Variants in C10orf143 observed in about 807,000 individuals in gnomAD.
C10orf143 encodes uncharacterized protein C10orf143.
At chr10:130,054,964 A>C (rs1255541272) in intron 3 of C10orf143, among the ~76,000 whole-genome samples, 1 of 152,222 alleles carries the variant, frequency 6.6e-6, no homozygotes, top group Non-Finnish European at 1.5e-5. Context: ...GGGGAAATAC[A>C]GTCTCCAACA....
At chr10:130,083,749 A>G (rs1463597315) in intron 1 of C10orf143, among the ~76,000 whole-genome samples, 1 of 152,196 alleles carries the variant, frequency 6.6e-6, no homozygotes, top group African/African-American at 2.4e-5. Flanking sequence ...ATATTTGAGA[A>G]ATGAAAGAGA....
At chr10:130,080,538 C>CA (rs1379227732) in intron 1 of C10orf143, among the ~76,000 whole-genome samples, 3 of 152,186 alleles carry the variant, frequency 2.0e-5, no homozygotes, top group African/African-American at 7.2e-5. Context: ...TTGTAACTGA[C>CA]ACAGAGTTTC....
intron 3 of C10orf143, among the ~76,000 whole-genome samples, chr10:130,055,344 C>A (rs1004152060): frequency 6.6e-6 from 1 of 152,114 alleles, no homozygotes; most frequent in African/African-American, 2.4e-5. Context: ...AAAATATTTG[C>A]AAACCACATA....
In C10orf143 at chr10:130,064,061, T is replaced by C; in HGVS notation, c.*293A>G. 3.4e-6 allele frequency: 1 copy of C among 293,324 alleles called. No homozygotes were observed. 18.2% of individuals were successfully genotyped at this position (293,324 alleles called of 1,614,324 possible). A position where few individuals can be genotyped will look rare whatever the true frequency, so the allele number is the denominator to read the frequency against. ...GTTTGATACAAAATTTTTTGACTTGTAAATAATGCAATTGATCTCCCTCTC... is the reference window on the plus strand; with the variant it reads ...GTTTGATACAAAATTTTTTGACTTGCAAATAATGCAATTGATCTCCCTCTC... On this transcript the variant is annotated 3_prime_UTR_variant, in exon 4 of 4. Coordinates refer to ENST00000637128, the MANE Select transcript of C10orf143 (RefSeq NM_001355042.2).
intron 3 of C10orf143, chr10:130,066,591 C>A (rs1299440126): frequency 6.6e-6 from 1 of 152,306 alleles, no homozygotes; most frequent in Non-Finnish European, 1.5e-5. Flanking sequence ...TCTACTCTCT[C>A]TTAGACACAA....
At position 130,066,354 on chromosome 10, in the gene C10orf143, AT is replaced by A. The variant is rs1245464072; in HGVS notation, c.298-1972del. The A allele has an allele frequency of 5.2e-3, 688 of 132,902 alleles. 4 individuals are homozygous for A. The highest frequency in any genetic ancestry group is 8.5e-3 in the African/African-American group (306 of 36,094). 8.2% of individuals were successfully genotyped at this position (132,902 alleles called of 1,614,324 possible). ...AGGTGCTTGCCGCCACACCTGGCTAATTTTTTTTTTTTTTTTTTTGGTAGAG... is the reference window on the plus strand; with the variant it reads ...AGGTGCTTGCCGCCACACCTGGCTAATTTTTTTTTTTTTTTTTTGGTAGAG... On this transcript the variant is annotated intron_variant, in intron 3 of 3. Transcript: ENST00000637128.
chr10:130,061,060 C>T (rs1365444425), downstream of C10orf143, among the ~76,000 whole-genome samples: 3 of 152,098 alleles, frequency 2.0e-5, no homozygotes, highest in South Asian at 2.1e-4. Flanking sequence ...CATCTGGGCC[C>T]GAGGAAGTCA....
In C10orf143 at chr10:130,079,827, C is replaced by T. The variant is rs1186084; in HGVS notation, c.144G>A (p.Ala48=). The part of the protein sequence containing the change: ...GCHQVNACAL[A]SWGPEDRELP... ...GCTCCCGGTCCTCTGGGCCCCAGGA[C>T]GCCAGGGCACAGGCATTCACCTGGT... The change falls in exon 2 of 4, where the codon GCG becomes GCA. Residue 48 remains alanine, a synonymous_variant. Transcript: ENST00000637128. 250,417 of 398,444 alleles carry T rather than the reference C, an allele frequency of 0.63. 79,696 individuals carry two copies. The highest frequency in any genetic ancestry group is 0.71 in the Admixed American group (16,162 of 22,732). The allele number at this position is 398,444 out of a possible 1,614,324, so 24.7% of individuals were successfully genotyped here. A position where few individuals can be genotyped will look rare whatever the true frequency, so the allele number is the denominator to read the frequency against.
chr10:130,058,893 T>G (rs1860824602), intron 3 of C10orf143, among the ~76,000 whole-genome samples: 1 of 152,084 alleles, frequency 6.6e-6, no homozygotes, highest in South Asian at 2.1e-4. Flanking sequence ...TGGGCACACA[T>G]TTATTCGCTC....
chr10:130,080,633 C>A (rs1220899515), intron 1 of C10orf143, among the ~76,000 whole-genome samples: 1 of 152,214 alleles, frequency 6.6e-6, no homozygotes, highest in Non-Finnish European at 1.5e-5. Context: ...TGGCAGCCAG[C>A]CCAAGAGGCC....
At chr10:130,037,169 C>T (rs779607825) in intron 3 of C10orf143, among the ~76,000 whole-genome samples, 5 of 152,160 alleles carry the variant, frequency 3.3e-5, no homozygotes, top group African/African-American at 9.7e-5. Context: ...GGGGACAGGG[C>T]GATGCCCTCT....
At chr10:130,084,907 C>A (rs1322191453) in intron 1 of C10orf143, among the ~76,000 whole-genome samples, 1 of 152,072 alleles carries the variant, frequency 6.6e-6, no homozygotes, top group Non-Finnish European at 1.5e-5. Context: ...GTCAAAAAGA[C>A]AAAGGCATAC....
At chr10:130,043,218 T>G (rs1476145969) in intron 3 of C10orf143, among the ~76,000 whole-genome samples, 5 of 152,198 alleles carry the variant, frequency 3.3e-5, no homozygotes, top group African/African-American at 1.2e-4. Flanking sequence ...CTTCATAACC[T>G]AAGTGTGTTT....
chr10:130,055,158 T>A (rs1191376214), intron 3 of C10orf143, among the ~76,000 whole-genome samples: 6 of 150,880 alleles, frequency 4.0e-5, no homozygotes, highest in South Asian at 2.1e-4. Flanking sequence ...AACAAAAAAC[T>A]CCCAGAAAAA....
intron 1 of C10orf143, among the ~76,000 whole-genome samples, chr10:130,088,371 C>T (rs896328669): frequency 3.3e-5 from 5 of 151,776 alleles, no homozygotes; most frequent in South Asian, 2.1e-4. Flanking sequence ...GCAACAAGAG[C>T]GAAACTCCAT....
downstream of C10orf143, among the ~76,000 whole-genome samples, chr10:130,060,974 C>A (rs2134741364): frequency 6.6e-6 from 1 of 152,058 alleles, no homozygotes; most frequent in African/African-American, 2.4e-5. Context: ...CCCACCTCTA[C>A]AAAAAATACA....
At chr10:130,062,793 C>A (rs1398959754), downstream of C10orf143, among the ~76,000 whole-genome samples, 1 of 152,138 alleles carries the variant, frequency 6.6e-6, no homozygotes, top group Non-Finnish European at 1.5e-5. Flanking sequence ...CCTAATACAC[C>A]CACATTCTGG....
At chr10:130,047,088 C>T (rs1298270001) in intron 3 of C10orf143, among the ~76,000 whole-genome samples, 1 of 152,234 alleles carries the variant, frequency 6.6e-6, no homozygotes, top group East Asian at 1.9e-4. Context: ...TGTCACATCA[C>T]GGCACTGAGG....
At chr10:130,064,697 T>G (rs973570170) in intron 3 of C10orf143, among the ~76,000 whole-genome samples, 3 of 152,146 alleles carry the variant, frequency 2.0e-5, no homozygotes, top group Non-Finnish European at 4.4e-5. Context: ...AAAATAAATT[T>G]TTAAAAAAAT....
Sources: allele counts gnomAD v4.1 joint callset (sites outside exome capture counted in the v4.1 genomes callset), GRCh38; gene constraint gnomAD v4.1.1; transcripts MANE v1.5; gene names NCBI Gene and HGNC (gene_info 2026-07-23, HGNC 2026-07-21).